The following CADPS2 variants were observed in gnomAD, a reference collection of about 807,000 sequenced individuals.
CADPS2 encodes the protein calcium dependent secretion activator 2, also known as calcium-dependent secretion activator 2.
Under a neutral mutation model 172.5 loss-of-function variants are expected in CADPS2, and 93 were observed. That is an observed-to-expected ratio of 0.54 (90% CI 0.46 to 0.64). The LOEUF is 0.64. Among genes scored for constraint, CADPS2 ranks in the 30% least tolerant of loss-of-function variants. The probability of loss-of-function intolerance (pLI) is 0.00; values close to 1 mark genes in which losing one functional copy is unlikely to be tolerated. For synonymous variants in CADPS2, 546 were observed against 555.2 expected, an observed-to-expected ratio of 0.98 and a Z score of 0.23; for missense variants, 1,420 against 1,565.9, an observed-to-expected ratio of 0.91 and a Z score of 1.57.
At chr7:122,813,046 A>G (rs760149322) in intron 1 of CADPS2, among the ~76,000 whole-genome samples, 2 of 152,170 alleles carry the variant, frequency 1.3e-5, no homozygotes, top group Admixed American at 6.5e-5. Flanking sequence ...AAGCCTCAAT[A>G]ACAGGACTGA....
At chr7:122,641,862 T>TAA (rs758278861) in intron 3 of CADPS2, among the ~76,000 whole-genome samples, 1 of 143,450 alleles carries the variant, frequency 7.0e-6, no homozygotes, top group African/African-American at 2.5e-5. Context: ...TATGTTACGT[T>TAA]AAAAAAAAAA....
At chr7:122,752,103 A>C (rs2092977504) in intron 1 of CADPS2, among the ~76,000 whole-genome samples, 1 of 152,190 alleles carries the variant, frequency 6.6e-6, no homozygotes, top group Admixed American at 6.6e-5. Context: ...AAAAACTGAA[A>C]GATAATCTAG....
intron 3 of CADPS2, among the ~76,000 whole-genome samples, chr7:122,640,778 CA>C (rs983591015): frequency 6.6e-6 from 1 of 151,784 alleles, no homozygotes; most frequent in Non-Finnish European, 1.5e-5. Context: ...AAAAAAAATA[CA>C]AAAAATTAGC....
At chr7:122,774,572 C>T (rs527507666) in intron 1 of CADPS2, among the ~76,000 whole-genome samples, 4 of 152,218 alleles carry the variant, frequency 2.6e-5, no homozygotes, top group African/African-American at 2.4e-5. Flanking sequence ...TTATGGTTTG[C>T]CCAATTACCA....
chr7:122,379,371 T>A lies in CADPS2; in HGVS notation c.3384A>T (p.Ser1128=). 6.3e-7 allele frequency: 1 copy of A among 1,583,206 alleles called. No homozygotes were observed. Among genetic ancestry groups the A allele is most frequent in the South Asian group, 1.1e-5 (1 of 88,844 alleles). ...AGGTGAATAAATAATACATTACCTTTGAAACTAACAGTGAAATGATTTCTT... is the reference window on the plus strand; with the variant it reads ...AGGTGAATAAATAATACATTACCTTAGAAACTAACAGTGAAATGATTTCTT... ...SVKEIISLLV[S]KFVSVLEGVL... is the part of the protein sequence containing the mutation. Residue 1128 remains serine (S), a synonymous_variant, in exon 25 of 30, where the codon TCA becomes TCT. Coordinates refer to ENST00000449022, the MANE Select transcript of CADPS2 (RefSeq NM_017954.11).
chr7:122,417,820 A>C (rs1337960754), intron 17 of CADPS2, among the ~76,000 whole-genome samples: 1 of 152,182 alleles, frequency 6.6e-6, no homozygotes, highest in Non-Finnish European at 1.5e-5. Flanking sequence ...TCTTAGAAAT[A>C]ACAAATGACC....
At chr7:122,642,975 G>A (rs2077849586) in intron 3 of CADPS2, among the ~76,000 whole-genome samples, 1 of 152,098 alleles carries the variant, frequency 6.6e-6, no homozygotes, top group Admixed American at 6.5e-5. Flanking sequence ...GAAAATATAA[G>A]TAGATTAGGG....
At chr7:122,702,374 C>G in intron 2 of CADPS2, 3 of 1,613,810 alleles carry the variant, frequency 1.9e-6, no homozygotes, top group Non-Finnish European at 2.5e-6. Context: ...GATGATCACC[C>G]CATTTGCTCC....
chr7:122,618,133 C>T lies in CADPS2; in HGVS notation c.1105-2834G>A, dbSNP rs141535545. 5.3e-5 allele frequency among the ~76,000 whole-genome samples: 8 copies of T among 151,658 alleles called. No individual in the cohort carries two copies. In the East Asian group the frequency reaches 9.7e-4, roughly 18 times the overall value. On this transcript the variant is annotated intron_variant, in intron 5 of 29. Transcript: ENST00000449022. ...GTGAACGTTTGTTTTTCTAGTATTG[C>T]TTGAACATTTAACATTATTGAACAG...
intron 14 of CADPS2, among the ~76,000 whole-genome samples, chr7:122,470,410 T>G (rs957700330): frequency 6.6e-6 from 1 of 152,092 alleles, no homozygotes; most frequent in African/African-American, 2.4e-5. Context: ...ACACAAATAA[T>G]GAAGTCATTC....
intron 1 of CADPS2, among the ~76,000 whole-genome samples, chr7:122,757,253 C>G (rs1258942388): frequency 6.6e-6 from 1 of 152,054 alleles, no homozygotes; most frequent in Non-Finnish European, 1.5e-5. Flanking sequence ...CTCAAGTGAT[C>G]CTCTCAGTTC....
chr7:122,618,945 C>T (rs1159023362), intron 5 of CADPS2, among the ~76,000 whole-genome samples: 1 of 152,112 alleles, frequency 6.6e-6, no homozygotes, highest in Non-Finnish European at 1.5e-5. Context: ...AAATATCTGC[C>T]TTAGATAGAC....
At chr7:122,479,749 AAAG>A (rs1388391860) in intron 12 of CADPS2, among the ~76,000 whole-genome samples, 4 of 152,216 alleles carry the variant, frequency 2.6e-5, no homozygotes, top group Non-Finnish European at 5.9e-5. Flanking sequence ...GTTCAATGTA[AAAG>A]AAAGACAAAT....
At chr7:122,835,779 T>G (rs1808201514) in intron 1 of CADPS2, among the ~76,000 whole-genome samples, 1 of 152,186 alleles carries the variant, frequency 6.6e-6, no homozygotes, top group Non-Finnish European at 1.5e-5. Context: ...TGGGACTATA[T>G]GAAAAGACCA....
At chr7:122,532,563 A>G (rs2061868980) in intron 8 of CADPS2, among the ~76,000 whole-genome samples, 1 of 130,068 alleles carries the variant, frequency 7.7e-6, no homozygotes, top group East Asian at 2.6e-4. Flanking sequence ...CAACCCCACA[A>G]CCTCCCAGAG....
chr7:122,851,548 C>T (rs774998634), intron 1 of CADPS2, among the ~76,000 whole-genome samples: 19 of 152,128 alleles, frequency 1.2e-4, no homozygotes, highest in Non-Finnish European at 2.4e-4. Context: ...AGTCTGCTCT[C>T]ATGCTGCTAA....
intron 1 of CADPS2, chr7:122,850,335 C>T: frequency 2.3e-6 from 1 of 436,996 alleles, no homozygotes; most frequent in Non-Finnish European, 4.1e-6. Context: ...ATGGACTTCT[C>T]AGCCCTGCTG....
At chr7:122,698,085 G>T in intron 2 of CADPS2, 1 of 1,613,946 alleles carries the variant, frequency 6.2e-7, no homozygotes, top group Non-Finnish European at 8.5e-7. Flanking sequence ...AATTCTTGTG[G>T]AAAAAATGTT....
intron 27 of CADPS2, among the ~76,000 whole-genome samples, chr7:122,346,619 A>T (rs2037699984): frequency 6.6e-6 from 1 of 152,212 alleles, no homozygotes; most frequent in African/African-American, 2.4e-5. Context: ...TTTCTTTTAG[A>T]AATGTGGCAA....
Sources: gnomAD v4.1 joint callset for allele counts (sites outside exome capture counted in the v4.1 genomes callset) on GRCh38, gnomAD v4.1.1 for gene constraint, MANE v1.5 for transcripts, NCBI Gene and HGNC (gene_info 2026-07-23, HGNC 2026-07-21) for gene names.